Variants in PCDHA1 observed in about 807,000 individuals in gnomAD.
The protein encoded by PCDHA1 is protocadherin alpha 1.
PCDHA1 carries 42 observed loss-of-function variants against 61.3 expected under a neutral mutation model. The ratio of observed to expected loss-of-function variants is 0.69; its 90% CI spans 0.54 to 0.89. PCDHA1 has a LOEUF of 0.89. Among genes scored for constraint, PCDHA1 ranks in the 40% least tolerant of loss-of-function variants. The probability of loss-of-function intolerance (pLI) is 0.00; values close to 1 mark genes in which losing one functional copy is unlikely to be tolerated. For synonymous variants in PCDHA1, 610 were observed against 553.8 expected (o/e 1.10, Z -1.43); for missense variants, 1,256 against 1,235.3 (o/e 1.02, Z -0.25).
chr5:140,916,084 C>T (rs1330761804), intron 1 of PCDHA1, among the ~76,000 whole-genome samples: 3 of 152,186 alleles, frequency 2.0e-5, no homozygotes, highest in Non-Finnish European at 4.4e-5. Flanking sequence ...TACCACTGGT[C>T]CACAGGGAAT....
chr5:140,838,676 C>G (rs1236293841), intron 1 of PCDHA1, among the ~76,000 whole-genome samples: 2 of 151,972 alleles, frequency 1.3e-5, no homozygotes, highest in African/African-American at 2.4e-5. Context: ...TGGCACACAC[C>G]TTTAACCCCA....
chr5:140,984,726 A>C (rs549219216), intron 3 of PCDHA1, among the ~76,000 whole-genome samples: 51 of 152,276 alleles, frequency 3.3e-4, no homozygotes, highest in Non-Finnish European at 5.0e-4. Flanking sequence ...AAAGATTAAG[A>C]TTATGATTTA....
chr5:140,968,996 G>A, intron 1 of PCDHA1: 1 of 1,614,202 alleles, frequency 6.2e-7, no homozygotes, highest in Non-Finnish European at 8.5e-7. Flanking sequence ...ATGCTGTGGA[G>A]GCTTCTGTGG....
At chr5:140,955,296 G>A (rs1554221862) in intron 1 of PCDHA1, among the ~76,000 whole-genome samples, 1 of 151,904 alleles carries the variant, frequency 6.6e-6, no homozygotes, top group Admixed American at 6.6e-5. Context: ...GTTTGGCTGT[G>A]TCCCCACCCA....
chr5:141,007,133 G>A (rs1588151080), intron 3 of PCDHA1, among the ~76,000 whole-genome samples: 1 of 152,128 alleles, frequency 6.6e-6, no homozygotes, highest in South Asian at 2.1e-4. Flanking sequence ...CAGATGAGGA[G>A]ACTGACAAAG....
intron 3 of PCDHA1, among the ~76,000 whole-genome samples, chr5:141,001,849 T>G (rs889682000): frequency 6.6e-6 from 1 of 151,820 alleles, no homozygotes; most frequent in Non-Finnish European, 1.5e-5. Context: ...GAGAGAGAGG[T>G]TGATTAAATT....
intron 1 of PCDHA1, chr5:140,842,380 T>A (rs1777905222): frequency 6.2e-7 from 1 of 1,610,180 alleles, no homozygotes; most frequent in Non-Finnish European, 8.5e-7. Context: ...TAGCACTGAC[T>A]TCCTTATCCT....
chr5:140,857,108 C>G (rs1562518295), intron 1 of PCDHA1: 2 of 1,597,858 alleles, frequency 1.3e-6, no homozygotes, highest in Non-Finnish European at 1.7e-6. Flanking sequence ...TGTCACTTCT[C>G]TGTCTCTCCC....
rs531996502 is a variant in PCDHA1, at chr5:140,944,251, G to A, written c.2395-34698G>A. Among the ~76,000 whole-genome samples the A allele has an allele frequency of 2.2e-4, 33 of 152,302 alleles. No individual in the cohort carries two copies. In the South Asian group the frequency reaches 6.8e-3, roughly 32 times the overall value. On this transcript the variant is annotated intron_variant, in intron 1 of 3. Transcript: ENST00000504120. ...CGCTCAGGCTGGAGTGCAGTGATGT[G>A]ATCACTGCTCACTGCAGCCTTGACA...
chr5:141,010,432 CAA>C lies in PCDHA1; in HGVS notation c.*497_*498del. The C allele has an allele frequency of 8.5e-6, 9 of 1,056,970 alleles. No individual in the cohort carries two copies. The highest frequency in any genetic ancestry group is 1.2e-5 in the Non-Finnish European group (9 of 756,282). 65.5% of individuals were successfully genotyped at this position (1,056,970 alleles called of 1,614,324 possible). A position where few individuals can be genotyped will look rare whatever the true frequency, so the allele number is the denominator to read the frequency against. On this transcript the variant is annotated 3_prime_UTR_variant, in exon 4 of 4. Coordinates refer to ENST00000504120, the MANE Select transcript of PCDHA1 (RefSeq NM_018900.4). Reference sequence around the variant, plus strand: ...AATTGGTACAAGGAAGGCAAGAAAACAAAGACAAATAAACAGCGGAAGTTATC... The same window carrying C: ...AATTGGTACAAGGAAGGCAAGAAAACAGACAAATAAACAGCGGAAGTTATC...
At chr5:140,970,909 A>G (rs1356718314) in intron 1 of PCDHA1, among the ~76,000 whole-genome samples, 1 of 152,180 alleles carries the variant, frequency 6.6e-6, no homozygotes, top group African/African-American at 2.4e-5. Context: ...AGATTTATTC[A>G]TTTATCAGAA....
In PCDHA1 at chr5:140,822,752, C is replaced by A. The variant is rs200831175; in HGVS notation, c.2394+34068C>A. The A allele has an allele frequency of 8.1e-5, 131 of 1,613,696 alleles. No individual in the cohort carries two copies. In the African/African-American group the frequency reaches 1.6e-3, roughly 20 times the overall value. ...AATATTGATGCCATGGATAAAAGTA[C>A]ATTCCCATTATCAGGACACTGTAAA... On this transcript the variant is annotated intron_variant, in intron 1 of 3. Coordinates refer to ENST00000504120, the MANE Select transcript of PCDHA1 (RefSeq NM_018900.4).
rs2150350021 is a variant in PCDHA1 at position 140,843,009 on chromosome 5, C to G, written c.2394+54325C>G. The G allele has an allele frequency of 1.9e-6, 3 of 1,595,058 alleles. 1 individual carries two copies. Among genetic ancestry groups the G allele is most frequent in the Non-Finnish European group, 2.6e-6 (3 of 1,165,480 alleles). Reference sequence around the variant, plus strand: ...GTGCTGGACGAGAATGACAACGCGCCGGCACTGCTGGAGCCTCGGGTGGGT... The same window carrying G: ...GTGCTGGACGAGAATGACAACGCGCGGGCACTGCTGGAGCCTCGGGTGGGT... On this transcript the variant is annotated intron_variant, in intron 1 of 3. Coordinates refer to ENST00000504120, the MANE Select transcript of PCDHA1 (RefSeq NM_018900.4).
chr5:140,897,340 C>T, intron 1 of PCDHA1, among the ~76,000 whole-genome samples: 1 of 122,942 alleles, frequency 8.1e-6, no homozygotes, highest in Non-Finnish European at 1.6e-5. Context: ...CCCCTCCCCC[C>T]ACCCCACAAC....
rs79307553 is a variant in PCDHA1, at chr5:140,974,500, T to G, written c.2395-4449T>G. ...ACCCAGAATTCTCAAATGTATTACC[T>G]TTGTGTTTTATTTTATTTTAGTTTT... is the stretch of plus-strand genomic sequence containing the variant. On this transcript the variant is annotated intron_variant, in intron 1 of 3. Transcript: ENST00000504120. 8.7e-3 allele frequency among the ~76,000 whole-genome samples: 1,326 copies of G among 152,308 alleles called. 23 individuals carry two copies. Among genetic ancestry groups the G allele is most frequent in the African/African-American group, 0.03 (1,239 of 41,564 alleles).
At chr5:141,001,833 G>GAGACAGAGAGAGAGGTTGATT (rs1554258319) in intron 3 of PCDHA1, among the ~76,000 whole-genome samples, 1 of 151,780 alleles carries the variant, frequency 6.6e-6, no homozygotes, top group East Asian at 1.9e-4. Context: ...GACAGAGAGG[G>GAGACAGAGAGAGAGGTTGATT]AGACAGAGAG....
chr5:140,873,639 T>G (rs567970956), intron 1 of PCDHA1, among the ~76,000 whole-genome samples: 1 of 152,346 alleles, frequency 6.6e-6, no homozygotes, highest in African/African-American at 2.4e-5. Context: ...AAAGAGTATG[T>G]GAGAACTACA....
intron 1 of PCDHA1, among the ~76,000 whole-genome samples, chr5:140,934,797 T>A (rs1045887352): frequency 6.6e-6 from 1 of 152,236 alleles, no homozygotes; most frequent in African/African-American, 2.4e-5. Context: ...CAATTATCTT[T>A]TTAATGATCA....
intron 1 of PCDHA1, chr5:140,841,825 A>G (rs1422577295): frequency 5.0e-6 from 8 of 1,613,926 alleles, no homozygotes; most frequent in Non-Finnish European, 6.8e-6. Context: ...ACTCCGTGTT[A>G]ACCTACAGGC....
Sources: allele counts gnomAD v4.1 joint callset (sites outside exome capture counted in the v4.1 genomes callset), GRCh38; gene constraint gnomAD v4.1.1; transcripts MANE v1.5; gene names NCBI Gene and HGNC (gene_info 2026-07-23, HGNC 2026-07-21).